The following VPS13C variants were observed in gnomAD, a reference collection of about 807,000 sequenced individuals.
VPS13C encodes intermembrane lipid transfer protein VPS13C.
Under a neutral mutation model 456.8 loss-of-function variants are expected in VPS13C, and 358 were observed. The ratio of observed to expected loss-of-function variants is 0.78; its 90% CI spans 0.72 to 0.86. The LOEUF (loss-of-function observed/expected upper bound fraction) is 0.86, where lower values mean the gene tolerates loss of function less well. Ranked by LOEUF, VPS13C falls within the 40% of genes least tolerant of loss-of-function variation. The probability of loss-of-function intolerance (pLI) is 0.00; values close to 1 mark genes in which losing one functional copy is unlikely to be tolerated. For synonymous variants in VPS13C, 1,578 were observed against 1,486.7 expected (o/e 1.06, Z -1.41); for missense variants, 4,818 against 4,385.4 (o/e 1.10, Z -2.79).
At chr15:61,952,084 C>T in intron 38 of VPS13C, 104 bp from the exon 39 acceptor site, 1 of 1,302,944 alleles carries the variant, frequency 7.7e-7, no homozygotes, top group Non-Finnish European at 1.1e-6. Context: ...AAGAAATTCA[C>T]ACAATGTTAA....
Position 61,922,495 on chromosome 15 carries a change from GTCC to G in VPS13C, c.6874_6876del (p.Gly2292del). ...GCCAATAATAAAGGTACAGTTCGAT[GTCC>G]AAGGCCACATTCTAAGGTAACTTGA... On this transcript the variant is annotated inframe_deletion, in exon 54 of 85. Transcript: ENST00000644861. The G allele has an allele frequency of 6.2e-7, 1 of 1,614,028 alleles. No individual in the cohort carries two copies. Among genetic ancestry groups the G allele is most frequent in the Non-Finnish European group, 8.5e-7 (1 of 1,179,944 alleles).
In VPS13C at chr15:62,013,159, CTG is replaced by C; in HGVS notation, c.745-42_745-41del. 2.8e-6 allele frequency: 4 copies of C among 1,432,302 alleles called. No individual in the cohort carries two copies. The Admixed American group carries it at 7.7e-5, about 27-fold the overall frequency. The allele number at this position is 1,432,302 out of a possible 1,614,324, so 88.7% of individuals were successfully genotyped here. A position where few individuals can be genotyped will look rare whatever the true frequency, so the allele number is the denominator to read the frequency against. On this transcript the variant is annotated intron_variant, in intron 10 of 84. Transcript: ENST00000644861. ...TGAAAGAGATCAGGCAATCAACACACTGAAATTATGAATCAATATTAAAAGAT... is the reference window on the plus strand; with the variant it reads ...TGAAAGAGATCAGGCAATCAACACACAAATTATGAATCAATATTAAAAGAT...
intron 66 of VPS13C, among the ~76,000 whole-genome samples, chr15:61,897,468 G>A (rs930874339): frequency 2.0e-5 from 3 of 152,112 alleles, no homozygotes; most frequent in Non-Finnish European, 2.9e-5. Flanking sequence ...GAAGCCTCAG[G>A]AGCCGATGCG....
Position 62,044,575 on chromosome 15 carries a change from G to C in VPS13C, c.101-320C>G, listed in dbSNP as rs138368414. 4.7e-3 allele frequency among the ~76,000 whole-genome samples: 710 copies of C among 152,232 alleles called. 3 individuals carry two copies. Among genetic ancestry groups the C allele is most frequent in the Middle Eastern group, 0.014 (4 of 294 alleles). On this transcript the variant is annotated intron_variant, in intron 1 of 84. Transcript: ENST00000644861. ...GACCAAAGAAAGTAGCCATCATTTT[G>C]AATGATTAAGCCAAAATCTCAAGAT...
At chr15:61,994,391 T>G (rs770358499) in intron 16 of VPS13C, among the ~76,000 whole-genome samples, 23 of 152,180 alleles carry the variant, frequency 1.5e-4, no homozygotes, top group African/African-American at 5.5e-4. Context: ...TCCCCAGCAG[T>G]AGCAAATACC....
At chr15:62,004,206 T>C (rs1436299956) in intron 15 of VPS13C, among the ~76,000 whole-genome samples, 1 of 151,574 alleles carries the variant, frequency 6.6e-6, no homozygotes, top group Non-Finnish European at 1.5e-5. Context: ...GATCCTGTTA[T>C]TGGTCTATTC....
At position 61,878,685 on chromosome 15, in the gene VPS13C, AT is replaced by A; in HGVS notation, c.10063del (p.Met3355CysfsTer11). ...GEESDKEKQE[M>X]FAVHSVNLLL... ...CAAGTTGACAGAATGAACTGCAAAC[AT>A]TTCCTGTTTTTCTTTGTCTGATTCT... On this transcript the variant is annotated frameshift_variant, in exon 74 of 85. Transcript: ENST00000644861. LOFTEE classifies it high-confidence loss of function. 1 of 1,611,764 alleles carries A rather than the reference AT, an allele frequency of 6.2e-7. No individual in the cohort carries two copies. The highest frequency in any genetic ancestry group is 8.5e-7 in the Non-Finnish European group (1 of 1,178,868).
At chr15:61,878,920 T>C (rs1170618067) in intron 73 of VPS13C, among the ~76,000 whole-genome samples, 174 bp from the exon 74 acceptor site, 3 of 152,098 alleles carry the variant, frequency 2.0e-5, no homozygotes, top group Non-Finnish European at 4.4e-5. Context: ...TTGATTCTCT[T>C]TGCTTTTTGA....
rs1476755126 is a variant in VPS13C at position 61,856,305 on chromosome 15, A to G, written c.11057T>C (p.Val3686Ala). The G allele has an allele frequency of 9.2e-5, 148 of 1,613,124 alleles. No individual in the cohort carries two copies. Among genetic ancestry groups the G allele is most frequent in the Non-Finnish European group, 1.3e-4 (148 of 1,179,500 alleles). Residue 3686 changes from valine (V) to alanine (A), a missense_variant, in exon 83 of 85, where the codon GTG (valine) becomes GCG (alanine). Val to Ala is a moderately conservative substitution (Grantham distance 64). Around this residue, in one of 3 missense-constraint regions of VPS13C, gnomAD observed 261 missense variants for 234.1 expected, o/e 1.11. Transcript: ENST00000644861. The part of the protein sequence containing the change: ...FVFPPSVSEN[V>A]LKISVKEQGL... The stretch of plus-strand genomic sequence containing the variant: ...TCTTACCTTAACTGAAATTTTTAGC[A>G]CATTTTCACTGACACTAGGAGGAAA...
intron 66 of VPS13C, among the ~76,000 whole-genome samples, chr15:61,903,150 A>G (rs142769969): frequency 9.9e-4 from 151 of 151,972 alleles, no homozygotes; most frequent in African/African-American, 3.4e-3. Context: ...ACATGGCGAA[A>G]CTCCGTCTCT....
intron 11 of VPS13C, 29 bp from the exon 12 acceptor site, chr15:62,012,193 A>G: frequency 7.5e-7 from 1 of 1,330,660 alleles, no homozygotes; most frequent in Non-Finnish European, 1.1e-6. Context: ...TGAGAATGAA[A>G]AAGAAAATGC....
At chr15:61,962,637 A>T (rs1364172905) in intron 33 of VPS13C, 99 bp from the exon 34 acceptor site, 21 of 1,338,198 alleles carry the variant, frequency 1.6e-5, no homozygotes, top group East Asian at 2.6e-5. Flanking sequence ...TTATAAAAAA[A>T]TTTTTCTATT....
intron 16 of VPS13C, among the ~76,000 whole-genome samples, chr15:62,000,239 G>A (rs1011700686): frequency 3.9e-5 from 6 of 152,022 alleles, no homozygotes; most frequent in Admixed American, 2.0e-4. Flanking sequence ...GGTGGCACAC[G>A]CCTATGATCC....
intron 10 of VPS13C, 143 bp from the exon 11 acceptor site, chr15:62,013,262 T>A: frequency 5.7e-6 from 3 of 530,698 alleles, no homozygotes; most frequent in Non-Finnish European, 9.6e-6. Context: ...AACATAAAAA[T>A]GAGGGGAAAA....
chr15:62,016,011 GT>G (rs2140533486), intron 9 of VPS13C, among the ~76,000 whole-genome samples: 1 of 127,866 alleles, frequency 7.8e-6, no homozygotes. Context: ...CCTTTCCTTT[GT>G]TTCTTCAGCT....
At chr15:61,972,487 T>C (rs1172402996) in intron 27 of VPS13C, 138 bp downstream of exon 27, 2 of 729,660 alleles carry the variant, frequency 2.7e-6, no homozygotes, top group African/African-American at 1.8e-5. Context: ...TGAGAGTGTG[T>C]ATGTGCATGT....
At chr15:61,904,779 G>C (rs1004669824) in intron 66 of VPS13C, among the ~76,000 whole-genome samples, 5 of 151,990 alleles carry the variant, frequency 3.3e-5, no homozygotes, top group African/African-American at 1.2e-4. Flanking sequence ...TATATATACA[G>C]AATGTAATAT....
Position 61,936,610 on chromosome 15 carries a change from A to G in VPS13C, c.5742T>C (p.Pro1914=). ...RVRKVDVSSV[P]DHLKEQEDWT... ...ATCAATTTATACCTTTGAGATGGTC[A>G]GGTACACTTGAAACATCAACTTTTC... The change falls in exon 48 of 85, where the codon CCT becomes CCC. Residue 1914 remains proline, a synonymous_variant. Transcript: ENST00000644861. 6.3e-7 allele frequency: 1 copy of G among 1,578,034 alleles called. No individual in the cohort carries two copies. The highest frequency in any genetic ancestry group is 8.6e-7 in the Non-Finnish European group (1 of 1,166,030).
chr15:61,854,701 T>C (rs1239327416), intron 84 of VPS13C, 143 bp from the exon 85 acceptor site: 1 of 1,038,616 alleles, frequency 9.6e-7, no homozygotes, highest in Non-Finnish European at 1.4e-6. Flanking sequence ...ATGTGTCATA[T>C]AAAAATAAGA....
Sources: allele counts gnomAD v4.1 joint callset (sites outside exome capture counted in the v4.1 genomes callset), GRCh38; gene constraint gnomAD v4.1.1; regional missense constraint gnomAD v4.1.1; transcripts MANE v1.5; gene names NCBI Gene and HGNC (gene_info 2026-07-23, HGNC 2026-07-21).